SMTN: variants seen among roughly 807,000 people sequenced by gnomAD.
SMTN encodes smoothelin.
Under a neutral mutation model 102.0 loss-of-function variants are expected in SMTN, and 58 were observed. The ratio of observed to expected loss-of-function variants is 0.57; its 90% CI spans 0.46 to 0.71. The LOEUF (loss-of-function observed/expected upper bound fraction) is 0.71. SMTN is among the 30% of genes least tolerant of loss of function. SMTN has a pLI of 0.00. For synonymous variants in SMTN, 478 were observed against 497.9 expected (o/e 0.96, Z 0.53); for missense variants, 1,185 against 1,241.7 (o/e 0.95, Z 0.69).
chr22:31,083,656 C>G, intron 2 of SMTN: 1 of 211,794 alleles, frequency 4.7e-6, no homozygotes, highest in East Asian at 1.2e-4. Flanking sequence ...TGGAAGCTGG[C>G]CCAGTGATAA....
chr22:31,091,578 C>T, intron 10 of SMTN, 96 bp downstream of exon 10: 1 of 1,513,652 alleles, frequency 6.6e-7, no homozygotes, highest in African/African-American at 1.4e-5. Flanking sequence ...CAGGGTGTCT[C>T]CAAAGGGTGT....
chr22:31,093,979 C>A, intron 11 of SMTN: 1 of 794,526 alleles, frequency 1.3e-6, no homozygotes, highest in Non-Finnish European at 2.0e-6. Flanking sequence ...GTTTATCTAT[C>A]TTGACAGGGG....
intron 19 of SMTN, among the ~76,000 whole-genome samples, chr22:31,100,121 G>A (rs2043954132): frequency 6.6e-6 from 1 of 150,750 alleles, no homozygotes; most frequent in Non-Finnish European, 1.5e-5. Flanking sequence ...CGGCCTACCA[G>A]CCCGGGCCAA....
Position 31,067,553 on chromosome 22 carries a change from CTTTT to C in SMTN, c.-386+3383_-386+3386del, listed in dbSNP as rs36105837. ...ACGCCCGGCGCACCTGCTTCTTCTTCTTTTTTTTTTTTTTTTTTTTGAGACGAGT... is the reference window on the plus strand; with the variant it reads ...ACGCCCGGCGCACCTGCTTCTTCTTCTTTTTTTTTTTTTTTTGAGACGAGT... On this transcript the variant is annotated intron_variant, in intron 1 of 3. Coordinates refer to the SMTN transcript ENST00000422839. The C allele has an allele frequency of 7.8e-4, 70 of 89,910 alleles. 1 individual carries two copies. Among genetic ancestry groups the C allele is most frequent in the Non-Finnish European group, 1.2e-3 (57 of 48,384 alleles). 5.6% of individuals were successfully genotyped at this position (89,910 alleles called of 1,614,324 possible). A position where few individuals can be genotyped will look rare whatever the true frequency, so the allele number is the denominator to read the frequency against.
intron 1 of SMTN, among the ~76,000 whole-genome samples, chr22:31,074,939 C>T (rs2042094112): frequency 6.6e-6 from 1 of 152,206 alleles, no homozygotes; most frequent in South Asian, 2.1e-4. Context: ...TTTTATTACA[C>T]CCAAGGTGGG....
At chr22:31,087,925 C>A in intron 2 of SMTN, 40 bp from the exon 3 acceptor site, 1 of 1,542,318 alleles carries the variant, frequency 6.5e-7, no homozygotes. Context: ...GCCCTCCGCC[C>A]CTGGCAGCCA....
chr22:31,091,559 G>T, intron 10 of SMTN, 77 bp downstream of exon 10: 1 of 1,507,652 alleles, frequency 6.6e-7, no homozygotes, highest in South Asian at 1.3e-5. Flanking sequence ...AGGTGCTGCG[G>T]CCAGGACTCA....
intron 2 of SMTN, chr22:31,085,003 G>A: frequency 6.7e-7 from 1 of 1,488,684 alleles, no homozygotes; most frequent in Non-Finnish European, 8.9e-7. Context: ...CCCAGCGTCT[G>A]GCCGATTTGG....
rs1167651628 is a variant in SMTN at position 31,083,251 on chromosome 22, C to A, written c.-8C>A. 6.3e-7 allele frequency: 1 copy of A among 1,598,302 alleles called. No homozygotes were observed. On this transcript the variant is annotated 5_prime_UTR_variant, in exon 2 of 21. Transcript: ENST00000333137. ...AGAAAGGAACCGACGGAGCTAGGGG[C>A]CAGCGAGATGGCGGACGAGGCCTTA...
At chr22:31,090,208 G>T in intron 8 of SMTN, 28 bp downstream of exon 8, 1 of 1,569,208 alleles carries the variant, frequency 6.4e-7, no homozygotes, top group African/African-American at 1.4e-5. Flanking sequence ...GGTAGTCACA[G>T]GCATCTTTCT....
chr22:31,077,998 CAG>C (rs1198722153), upstream of SMTN, among the ~76,000 whole-genome samples: 7 of 152,348 alleles, frequency 4.6e-5, no homozygotes, highest in African/African-American at 1.7e-4. Flanking sequence ...CTCCATTCTC[CAG>C]CCTCACCTGC....
chr22:31,078,463 A>G (rs1028816589), upstream of SMTN, among the ~76,000 whole-genome samples: 7 of 152,210 alleles, frequency 4.6e-5, no homozygotes, highest in Admixed American at 4.6e-4. Flanking sequence ...CCCTTGCCCT[A>G]GGAAGGCTTG....
Position 31,088,869 on chromosome 22 carries a change from C to T in SMTN, c.374-3C>T, listed in dbSNP as rs973044387. The T allele has an allele frequency of 3.1e-6, 5 of 1,613,972 alleles. No homozygotes were observed. The highest frequency in any genetic ancestry group is 2.2e-5 in the South Asian group (2 of 91,082). ...CACCTGCCACTTGCTCCTTCCCTTC[C>T]AGCTGCCACCTTGGCTGGGAGGTTG... On this transcript the variant is annotated splice_polypyrimidine_tract_variant and splice_region_variant and intron_variant, in intron 5 of 20. Transcript: ENST00000333137.
Position 31,091,352 on chromosome 22 carries a change from G to C in SMTN, c.1329G>C (p.Pro443=). The part of the protein sequence containing the change: ...PVARSEEPGA[P]LPVAVGTAEP... Reference sequence around the variant, plus strand: ...CACGTTCAGAGGAGCCTGGTGCCCCGCTGCCCGTGGCCGTCGGCACTGCCG... The same window carrying C: ...CACGTTCAGAGGAGCCTGGTGCCCCCCTGCCCGTGGCCGTCGGCACTGCCG... Residue 443 remains proline (P), a synonymous_variant, in exon 10 of 21, where the codon CCG becomes CCC. Coordinates refer to ENST00000333137, the MANE Select transcript of SMTN (RefSeq NM_134269.3). 6.2e-7 allele frequency: 1 copy of C among 1,605,378 alleles called. No homozygotes were observed. Among genetic ancestry groups the C allele is most frequent in the Non-Finnish European group, 8.5e-7 (1 of 1,178,222 alleles).
At chr22:31,098,925 G>T in intron 17 of SMTN, 85 bp downstream of exon 17, 2 of 1,554,678 alleles carry the variant, frequency 1.3e-6, no homozygotes, top group Non-Finnish European at 1.7e-6. Context: ...CCCGGCAGAG[G>T]CGGGAAGACC....
intron 1 of SMTN, chr22:31,067,821 G>A (rs941031264): frequency 6.6e-6 from 1 of 152,260 alleles, no homozygotes; most frequent in African/African-American, 2.4e-5. Flanking sequence ...GCCTCCTGAA[G>A]TGCTGGGATT....
chr22:31,079,144 A>ATT, upstream of SMTN, among the ~76,000 whole-genome samples: 1 of 152,350 alleles, frequency 6.6e-6, no homozygotes, highest in Non-Finnish European at 1.5e-5. Flanking sequence ...CACGTCTGAC[A>ATT]TGCAACAGGT....
chr22:31,077,090 G>A (rs148985606), upstream of SMTN, among the ~76,000 whole-genome samples: 502 of 152,284 alleles, frequency 3.3e-3, 2 homozygotes, highest in African/African-American at 0.011. Flanking sequence ...TCCAAATGGT[G>A]GATGGTAGAA....
At chr22:31,079,016 T>C (rs1363535352), upstream of SMTN, among the ~76,000 whole-genome samples, 4 of 152,238 alleles carry the variant, frequency 2.6e-5, no homozygotes, top group African/African-American at 9.6e-5. Context: ...AGAATTCCAC[T>C]TTAGTCTGAA....
Sources: allele counts gnomAD v4.1 joint callset (sites outside exome capture counted in the v4.1 genomes callset), GRCh38; gene constraint gnomAD v4.1.1; transcripts MANE v1.5; gene names NCBI Gene and HGNC (gene_info 2026-07-23, HGNC 2026-07-21).